Variants in SLC35A3 observed in about 807,000 individuals in gnomAD.
SLC35A3 encodes UDP-N-acetylglucosamine transporter.
A neutral mutation model predicts 39.0 loss-of-function variants in SLC35A3; 26 were observed. That is an observed-to-expected ratio of 0.67 (90% CI 0.49 to 0.92). The LOEUF is 0.92. Ranked by LOEUF, SLC35A3 falls within the 40% of genes least tolerant of loss-of-function variation. The pLI, the probability that SLC35A3 is intolerant of heterozygous loss-of-function variation, is 0.00. For missense variants in SLC35A3, 299 were observed against 371.6 expected (o/e 0.80, Z 1.61); for synonymous variants, 135 against 133.1 (o/e 1.01, Z -0.10).
chr1:100,013,295 A>G (rs1659809849), intron 5 of SLC35A3, among the ~76,000 whole-genome samples: 1 of 151,346 alleles, frequency 6.6e-6, no homozygotes, highest in South Asian at 2.1e-4. Flanking sequence ...TGAGCAACAT[A>G]GTGAGACCCT....
At chr1:100,013,639 A>T (rs2101399935) in intron 5 of SLC35A3, among the ~76,000 whole-genome samples, 1 of 151,668 alleles carries the variant, frequency 6.6e-6, no homozygotes, top group African/African-American at 2.4e-5. Flanking sequence ...ACATATATAT[A>T]TGTTATATAT....
intron 1 of SLC35A3, among the ~76,000 whole-genome samples, chr1:99,987,933 C>T (rs1160719985): frequency 6.6e-6 from 1 of 152,084 alleles, no homozygotes. Context: ...GTGAAGAAAG[C>T]CTGGTTAGGA....
rs1570597387 is a variant in SLC35A3, at chr1:99,999,316, T to C, written c.243T>C (p.Pro81=). The stretch of plus-strand genomic sequence containing the variant: ...TACATGATGAAATTCTTAATAAACC[T>C]ATGGAAACACTTAAACTTGCTATTC... ...RVLHDEILNK[P]METLKLAIPS... Residue 81 remains proline (P), a synonymous_variant, in exon 3 of 8, where the codon CCT becomes CCC. Coordinates refer to ENST00000533028, the MANE Select transcript of SLC35A3 (RefSeq NM_012243.3). 6.3e-7 allele frequency: 1 copy of C among 1,597,450 alleles called. No individual in the cohort carries two copies.
intron 1 of SLC35A3, among the ~76,000 whole-genome samples, chr1:99,985,508 C>T (rs1657697268): frequency 6.6e-6 from 1 of 152,134 alleles, no homozygotes; most frequent in African/African-American, 2.4e-5. Context: ...GTGATACCTC[C>T]AGATTTGTTC....
chr1:100,015,460 G>A (rs774708752), intron 6 of SLC35A3, 40 bp downstream of exon 6: 3 of 1,562,292 alleles, frequency 1.9e-6, no homozygotes, highest in Non-Finnish European at 2.6e-6. Flanking sequence ...CTAATAAACT[G>A]TATTTTAATA....
At chr1:99,993,453 C>T in intron 1 of SLC35A3, 84 bp from the exon 2 acceptor site, 1 of 1,146,300 alleles carries the variant, frequency 8.7e-7, no homozygotes, top group Non-Finnish European at 1.2e-6. Context: ...AGGCCCTCTC[C>T]CTTCTCCCTC....
intron 3 of SLC35A3, among the ~76,000 whole-genome samples, chr1:100,001,955 A>T (rs1354163438): frequency 1.3e-5 from 2 of 152,200 alleles, no homozygotes; most frequent in Non-Finnish European, 2.9e-5. Flanking sequence ...GATAAATCCT[A>T]CTTGATTATG....
Position 100,030,999 on chromosome 1 carries a change from C to T in SLC35A3, c.*8523C>T, listed in dbSNP as rs1012980376. 1 of 152,112 alleles carries T rather than the reference C, an allele frequency of 6.6e-6. No homozygotes were observed. The highest frequency in any genetic ancestry group is 1.5e-5 in the Non-Finnish European group (1 of 68,014). The allele number at this position is 152,112 out of a possible 1,614,324, so 9.4% of individuals were successfully genotyped here. A position where few individuals can be genotyped will look rare whatever the true frequency, so the allele number is the denominator to read the frequency against. On this transcript the variant is annotated 3_prime_UTR_variant, in exon 8 of 8. Transcript: ENST00000533028. ...TTCTAGAATTTTAAAACCTGCCACA[C>T]TTATTTTGGATGTTATATACACATA...
At chr1:100,010,814 A>G (rs1455095030) in intron 4 of SLC35A3, among the ~76,000 whole-genome samples, 1 of 152,214 alleles carries the variant, frequency 6.6e-6, no homozygotes, top group Non-Finnish European at 1.5e-5. Flanking sequence ...GCCATAGGGT[A>G]CTATCCCTGG....
Position 100,017,806 on chromosome 1 carries a change from T to G in SLC35A3, c.878T>G (p.Val293Gly). ...LISYFWLQDFVPTSVFFLGAI... is the reference protein window; with the variant it reads ...LISYFWLQDFGPTSVFFLGAI... ...TCCTATTTTTGGCTTCAAGATTTTG[T>G]GCCAACCAGGTAAAATGTTCTTTTC... is the stretch of plus-strand genomic sequence containing the variant. The change falls in exon 7 of 8, where the codon GTG becomes GGG. Residue 293 changes from valine to glycine, a missense_variant. Physicochemically the swap from Val to Gly is moderately radical, Grantham distance 109. Coordinates refer to ENST00000533028, the MANE Select transcript of SLC35A3 (RefSeq NM_012243.3). 6.4e-7 allele frequency: 1 copy of G among 1,559,868 alleles called. No individual in the cohort carries two copies. The highest frequency in any genetic ancestry group is 8.6e-7 in the Non-Finnish European group (1 of 1,157,150).
chr1:100,017,754 T>G lies in SLC35A3; in HGVS notation c.826T>G (p.Leu276Val). 1 of 1,577,512 alleles carries G rather than the reference T, an allele frequency of 6.3e-7. No homozygotes were observed. The highest frequency in any genetic ancestry group is 8.6e-7 in the Non-Finnish European group (1 of 1,161,178). The part of the protein sequence containing the change: ...DNILKGFATS[L>V]SIILSTLISY... ...TATTTTAAAAGGATTTGCAACCTCTTTATCGATAATATTATCAACATTGAT... is the reference window on the plus strand; with the variant it reads ...TATTTTAAAAGGATTTGCAACCTCTGTATCGATAATATTATCAACATTGAT... The change falls in exon 7 of 8, where the codon TTA becomes GTA. Residue 276 changes from leucine to valine, a missense_variant. By Grantham distance (32) the Leu-to-Val change is conservative. Coordinates refer to ENST00000533028, the MANE Select transcript of SLC35A3 (RefSeq NM_012243.3).
intron 1 of SLC35A3, among the ~76,000 whole-genome samples, chr1:99,991,361 G>T (rs746748673): frequency 6.6e-6 from 1 of 152,168 alleles, no homozygotes; most frequent in Non-Finnish European, 1.5e-5. Flanking sequence ...GGCCAGGCTG[G>T]TCTTGAACTC....
chr1:100,015,435 G>A lies in SLC35A3; in HGVS notation c.753+15G>A, dbSNP rs190947855. ...TTGTTCTTCAGGTAAAGCATTTAAA[G>A]TCTTAGATTTAATGCTAATAAACTG... is the stretch of plus-strand genomic sequence containing the variant. On this transcript the variant is annotated intron_variant, in intron 6 of 7. Coordinates refer to ENST00000533028, the MANE Select transcript of SLC35A3 (RefSeq NM_012243.3). 6 of 1,591,348 alleles carry A rather than the reference G, an allele frequency of 3.8e-6. No individual in the cohort carries two copies. In the Admixed American group the frequency reaches 5.5e-5, roughly 15 times the overall value.
chr1:99,977,827 C>T (rs948822259), intron 1 of SLC35A3, among the ~76,000 whole-genome samples: 1 of 152,212 alleles, frequency 6.6e-6, no homozygotes, highest in African/African-American at 2.4e-5. Flanking sequence ...GTGTGAGACA[C>T]CGTGCCTGGC....
At position 100,022,234 on chromosome 1, in the gene SLC35A3, C is replaced by T. The variant is rs372130480; in HGVS notation, c.888-152C>T. On this transcript the variant is annotated intron_variant, in intron 7 of 7. Transcript: ENST00000533028. The stretch of plus-strand genomic sequence containing the variant: ...TGCATATAAAGCACTTAGCCAGATA[C>T]CTGGAATGTAGTAAGTACTCAAGAT... 599 of 509,516 alleles carry T rather than the reference C, an allele frequency of 1.2e-3. 1 individual carries two copies. Among genetic ancestry groups the T allele is most frequent in the African/African-American group, 0.01 (530 of 50,888 alleles). 31.6% of individuals were successfully genotyped at this position (509,516 alleles called of 1,614,324 possible).
rs1408602113 is a variant in SLC35A3, at chr1:100,027,892, A to G, written c.*5416A>G. On this transcript the variant is annotated 3_prime_UTR_variant, in exon 8 of 8. Transcript: ENST00000533028. ...AAATATATCACAATCCTCAAGTTCC[A>G]CTGCTATGCAAAAGTATCTTAGAAT... 6.7e-6 allele frequency: 1 copy of G among 149,980 alleles called. No individual in the cohort carries two copies. Among genetic ancestry groups the G allele is most frequent in the African/African-American group, 2.5e-5 (1 of 40,678 alleles). 9.3% of individuals were successfully genotyped at this position (149,980 alleles called of 1,614,324 possible).
intron 3 of SLC35A3, among the ~76,000 whole-genome samples, chr1:100,004,730 A>T (rs1023547390): frequency 1.3e-5 from 2 of 151,156 alleles, no homozygotes; most frequent in Admixed American, 6.6e-5. Context: ...TATTTTTTTT[A>T]TTTTTTATTT....
chr1:99,980,295 T>C (rs991975804), intron 1 of SLC35A3, among the ~76,000 whole-genome samples: 5 of 152,080 alleles, frequency 3.3e-5, no homozygotes, highest in Non-Finnish European at 7.3e-5. Context: ...TGGTGGGAAG[T>C]GACCATAACA....
At chr1:99,980,642 T>G (rs757887632) in intron 1 of SLC35A3, among the ~76,000 whole-genome samples, 3 of 152,216 alleles carry the variant, frequency 2.0e-5, no homozygotes, top group Admixed American at 2.0e-4. Flanking sequence ...TGATATTTTC[T>G]TAGTAAATAG....
Sources: gnomAD v4.1 joint callset for allele counts (sites outside exome capture counted in the v4.1 genomes callset) on GRCh38, gnomAD v4.1.1 for gene constraint, MANE v1.5 for transcripts, NCBI Gene and HGNC (gene_info 2026-07-23, HGNC 2026-07-21) for gene names.